Variants in ZCCHC24 observed in about 807,000 individuals in gnomAD.
ZCCHC24 encodes the protein zinc finger CCHC domain-containing protein 24.
In ZCCHC24, 10 loss-of-function variants were observed where a neutral mutation model predicts 26.2. That is an observed-to-expected ratio of 0.38 (90% CI 0.24 to 0.65). The LOEUF is 0.65. Among genes scored for constraint, ZCCHC24 ranks in the 30% least tolerant of loss-of-function variants. The pLI is 0.54. For synonymous variants in ZCCHC24, 144 were observed against 147.1 expected (o/e 0.98, Z 0.15); for missense variants, 243 against 329.1 (o/e 0.74, Z 2.03).
At chr10:79,408,764 T>A (rs1289209502) in intron 2 of ZCCHC24, among the ~76,000 whole-genome samples, 2 of 152,128 alleles carry the variant, frequency 1.3e-5, no homozygotes, top group African/African-American at 2.4e-5. Context: ...CTCTGACGGT[T>A]CACAGCCTAA....
At chr10:79,427,570 C>T (rs1857049373) in intron 2 of ZCCHC24, among the ~76,000 whole-genome samples, 1 of 151,092 alleles carries the variant, frequency 6.6e-6, no homozygotes, top group African/African-American at 2.4e-5. Flanking sequence ...TATTAAACAA[C>T]ACACTCCTAA....
intron 2 of ZCCHC24, among the ~76,000 whole-genome samples, chr10:79,420,718 A>T (rs1856923800): frequency 6.6e-6 from 1 of 152,188 alleles, no homozygotes; most frequent in Admixed American, 6.5e-5. Context: ...GGCTGCAGTG[A>T]GCTGAGATCA....
rs781401299 is a variant in ZCCHC24 at position 79,432,597 on chromosome 10, C to T, written c.408G>A (p.Leu136=). ...KRPPPNYLCH[L]CFNKGHYIKD... is the part of the protein sequence containing the mutation. The stretch of plus-strand genomic sequence containing the variant: ...TGATGTAGTGTCCTTTGTTGAAGCA[C>T]AGGTGGCACAGGTAGTTGGGTGGGG... The change falls in exon 2 of 4, where the codon CTG becomes CTA. Residue 136 remains leucine (L), a synonymous_variant. Transcript: ENST00000372336. 3 of 1,606,758 alleles carry T rather than the reference C, an allele frequency of 1.9e-6. No individual in the cohort carries two copies. The highest frequency in any genetic ancestry group is 1.7e-6 in the Non-Finnish European group (2 of 1,176,622).
chr10:79,405,941 C>T (rs1856705996), intron 2 of ZCCHC24, among the ~76,000 whole-genome samples: 4 of 152,250 alleles, frequency 2.6e-5, no homozygotes. Context: ...TGACTTCCAG[C>T]CTCGCAAAAC....
rs1397030369 is a variant in ZCCHC24 at position 79,383,920 on chromosome 10, G to C, written c.*2425C>G. On this transcript the variant is annotated 3_prime_UTR_variant, in exon 4 of 4. Transcript: ENST00000372336. ...AACTAGATCGCTAGATCTACCAACT[G>C]CAAGCGATTGTCCCTTTTGAACGTA... 6.5e-6 allele frequency: 1 copy of C among 152,688 alleles called. No homozygotes were observed. The highest frequency in any genetic ancestry group is 1.5e-5 in the Non-Finnish European group (1 of 68,036). 9.5% of individuals were successfully genotyped at this position (152,688 alleles called of 1,614,324 possible). A position where few individuals can be genotyped will look rare whatever the true frequency, so the allele number is the denominator to read the frequency against.
intron 2 of ZCCHC24, among the ~76,000 whole-genome samples, chr10:79,414,914 G>C (rs1856840174): frequency 6.6e-6 from 1 of 152,234 alleles, no homozygotes; most frequent in Non-Finnish European, 1.5e-5. Flanking sequence ...GAGACTGCAA[G>C]TAACTGGCCT....
intron 2 of ZCCHC24, among the ~76,000 whole-genome samples, chr10:79,417,411 G>C (rs1361948351): frequency 6.6e-6 from 1 of 152,196 alleles, no homozygotes; most frequent in East Asian, 1.9e-4. Flanking sequence ...AGGAAGGCCT[G>C]GGTTCACAGT....
intron 3 of ZCCHC24, among the ~76,000 whole-genome samples, chr10:79,393,885 G>A (rs1030195855): frequency 2.0e-5 from 3 of 152,104 alleles, no homozygotes; most frequent in Non-Finnish European, 2.9e-5. Flanking sequence ...GCTGCCTGAG[G>A]TAAGACCTTC....
rs1311631405 is a variant in ZCCHC24 at position 79,430,712 on chromosome 10, A to ACACACACACACACACC, written c.447+1845_447+1846insGGTGTGTGTGTGTGTG. On this transcript the variant is annotated intron_variant, in intron 2 of 3. Coordinates refer to ENST00000372336, the MANE Select transcript of ZCCHC24 (RefSeq NM_153367.4). The stretch of plus-strand genomic sequence containing the variant: ...CACACACACACACACACACACACAC[A>ACACACACACACACACC]CCCTCTGCTATCCCCGGGCCTCTGG... 2.3e-3 allele frequency among the ~76,000 whole-genome samples: 338 copies of ACACACACACACACACC among 149,094 alleles called. 2 individuals carry two copies. The highest frequency in any genetic ancestry group is 4.5e-3 in the African/African-American group (181 of 40,140).
At chr10:79,413,189 G>A (rs1204035349) in intron 2 of ZCCHC24, among the ~76,000 whole-genome samples, 1 of 152,190 alleles carries the variant, frequency 6.6e-6, no homozygotes, top group African/African-American at 2.4e-5. Context: ...AGCATGCTGG[G>A]TTTTCCCCTG....
chr10:79,388,949 T>G (rs141671473), intron 3 of ZCCHC24, among the ~76,000 whole-genome samples: 12 of 152,250 alleles, frequency 7.9e-5, no homozygotes, highest in African/African-American at 2.6e-4. Context: ...ACACATGCTG[T>G]TTCCAAGCCC....
intron 2 of ZCCHC24, among the ~76,000 whole-genome samples, chr10:79,428,404 C>CAAGAT (rs1554842161): frequency 6.6e-5 from 2 of 30,494 alleles, no homozygotes; most frequent in Non-Finnish European, 1.5e-4. Flanking sequence ...TTCAGTTTTG[C>CAAGAT]AAGATAAATT....
intron 2 of ZCCHC24, among the ~76,000 whole-genome samples, chr10:79,404,584 T>C (rs1406849898): frequency 2.6e-5 from 4 of 152,170 alleles, no homozygotes; most frequent in Non-Finnish European, 5.9e-5. Flanking sequence ...GAGGGGACTA[T>C]TGAGTTTGAA....
Position 79,385,934 on chromosome 10 carries a change from C to T in ZCCHC24, c.*411G>A. The T allele has an allele frequency of 2.4e-6, 1 of 414,298 alleles. No individual in the cohort carries two copies. 25.7% of individuals were successfully genotyped at this position (414,298 alleles called of 1,614,324 possible). On this transcript the variant is annotated 3_prime_UTR_variant, in exon 4 of 4. Transcript: ENST00000372336. The surrounding 1 kb of genome is among the most constrained non-coding windows in gnomAD (Gnocchi z 4.3). ...CAAACCGGAAGGTTCTGGGTGGGGGCAGGCGGCCTGGCTGGTCTGGGGAGG... is the reference window on the plus strand; with the variant it reads ...CAAACCGGAAGGTTCTGGGTGGGGGTAGGCGGCCTGGCTGGTCTGGGGAGG...
At chr10:79,413,544 G>A (rs117024485) in intron 2 of ZCCHC24, among the ~76,000 whole-genome samples, 4,235 of 152,294 alleles carry the variant, frequency 0.028, 92 homozygotes, top group South Asian at 0.069. Context: ...TCACCGGGCT[G>A]GTCCCTGTCC....
At chr10:79,434,289 C>G (rs1458170840) in intron 1 of ZCCHC24, among the ~76,000 whole-genome samples, 4 of 152,198 alleles carry the variant, frequency 2.6e-5, no homozygotes, top group Admixed American at 2.6e-4. Context: ...GGCCCGACCA[C>G]CAAATCCAGG....
chr10:79,440,743 C>T (rs1044829388), intron 1 of ZCCHC24, among the ~76,000 whole-genome samples: 3 of 152,294 alleles, frequency 2.0e-5, no homozygotes, highest in Non-Finnish European at 2.9e-5. Flanking sequence ...CCACTAGGGC[C>T]ATCTCCTCCC....
At chr10:79,392,686 G>A (rs1856495333) in intron 3 of ZCCHC24, among the ~76,000 whole-genome samples, 1 of 151,724 alleles carries the variant, frequency 6.6e-6, no homozygotes, top group Non-Finnish European at 1.5e-5. Context: ...TGGACAATGA[G>A]GCAATTCCCT....
chr10:79,444,074 T>G, intron 1 of ZCCHC24: 1 of 1,537,060 alleles, frequency 6.5e-7, no homozygotes, highest in South Asian at 1.2e-5. Context: ...CCCAACCCAT[T>G]CAGGACTCTG....
Sources: gnomAD v4.1 joint callset for allele counts (sites outside exome capture counted in the v4.1 genomes callset) on GRCh38, gnomAD v4.1.1 for gene constraint, Gnocchi (gnomAD v3.1) non-coding constraint, MANE v1.5 for transcripts, NCBI Gene and HGNC (gene_info 2026-07-23, HGNC 2026-07-21) for gene names.